The following CYLC1 variants were observed in gnomAD, a reference collection of about 807,000 sequenced individuals.
CYLC1 encodes cylicin 1.
CYLC1 carries 2 observed loss-of-function variants against 31.6 expected under a neutral mutation model. The observed-to-expected ratio is 0.06, with a 90% confidence interval of 0.03 to 0.20. The LOEUF is 0.20. CYLC1 is among the 10% of genes least tolerant of loss of function. The probability of loss-of-function intolerance (pLI) is 1.00; values close to 1 mark genes in which losing one functional copy is unlikely to be tolerated. For synonymous variants in CYLC1, 185 were observed against 153.0 expected (o/e 1.21, Z -1.54); for missense variants, 595 against 424.1 (o/e 1.40, Z -3.54).
In CYLC1 at chrX:83,871,468, A is replaced by G; in HGVS notation, c.75A>G (p.Arg25=). Residue 25 remains arginine (R), a synonymous_variant, in exon 3 of 5, where the codon AGA becomes AGG. Transcript: ENST00000329312. ...DNSIPISESS[R]KSWNQKHFAL... is the part of the protein sequence containing the mutation. ...CTCATTTAGTCAGTGAATCAAGCAG[A>G]AAATCATGGAATCAAAAACACTTTG... 2.5e-6 allele frequency: 3 copies of G among 1,200,783 alleles called. No individual in the cohort carries two copies. Among genetic ancestry groups the G allele is most frequent in the Non-Finnish European group, 3.4e-6 (3 of 888,785 alleles).
At chrX:83,876,553 T>G (rs1179087402) in intron 4 of CYLC1, among the ~76,000 whole-genome samples, 1 of 111,243 alleles carries the variant, frequency 9.0e-6, no homozygotes, top group Non-Finnish European at 1.9e-5. Context: ...AACTTCCATA[T>G]GCTTTGCCAC....
At chrX:83,877,742 G>A (rs1602306894) in intron 4 of CYLC1, among the ~76,000 whole-genome samples, 5 of 102,699 alleles carry the variant, frequency 4.9e-5, no homozygotes, top group Non-Finnish European at 3.9e-5. Context: ...GTCACCCTCC[G>A]AACACTGCAT....
chrX:83,866,279 T>A (rs2031591491), intron 1 of CYLC1, among the ~76,000 whole-genome samples: 1 of 111,770 alleles, frequency 8.9e-6, no homozygotes, highest in African/African-American at 3.2e-5. Flanking sequence ...AAAAATGGAA[T>A]CATTGGCCTC....
intron 3 of CYLC1, among the ~76,000 whole-genome samples, chrX:83,871,895 G>T (rs769477527): frequency 9.0e-6 from 1 of 110,815 alleles, no homozygotes; most frequent in Admixed American, 9.6e-5. Context: ...AGGTTTCAAG[G>T]CCTCCTTATT....
Position 83,871,517 on chromosome X carries a change from C to A in CYLC1, c.124C>A (p.Gln42Lys), listed in dbSNP as rs749731888. ...TGCTTTGACATTTCCCAAACCACTC[C>A]AGAGAGGTACAAATGATAAATCAAG... Reference protein sequence around the residue: ...HFALTFPKPLQRGTNDKSRPL... With the variant: ...HFALTFPKPLKRGTNDKSRPL... Residue 42 changes from glutamine to lysine, a missense_variant, in exon 3 of 5, where the codon CAG becomes AAG. Gln to Lys is a moderately conservative substitution (Grantham distance 53). Transcript: ENST00000329312. 19 of 1,201,089 alleles carry A rather than the reference C, an allele frequency of 1.6e-5. No homozygotes were observed. The highest frequency in any genetic ancestry group is 2.0e-5 in the Non-Finnish European group (18 of 890,744).
intron 4 of CYLC1, among the ~76,000 whole-genome samples, chrX:83,881,433 T>G (rs1484816399): frequency 9.1e-6 from 1 of 109,630 alleles, no homozygotes. Flanking sequence ...AATTTGTCAT[T>G]TCTTAGTTGT....
At chrX:83,877,517 G>C (rs1334852077) in intron 4 of CYLC1, among the ~76,000 whole-genome samples, 2 of 110,306 alleles carry the variant, frequency 1.8e-5, no homozygotes, top group African/African-American at 6.6e-5. Context: ...TTGTCATCTA[G>C]CCAAACTGGC....
In CYLC1 at chrX:83,874,085, G is replaced by A. The variant is rs143901083; in HGVS notation, c.1377G>A (p.Lys459=). The change falls in exon 4 of 5, where the codon AAG becomes AAA. Residue 459 remains lysine, a synonymous_variant. Coordinates refer to ENST00000329312, the MANE Select transcript of CYLC1 (RefSeq NM_021118.3). ...AGGGAGATTCAAAAAAGGGTAAAAA[G>A]GATGAAAAGAAGGGGAAGAAAGATT... ...EPKGDSKKGK[K]DEKKGKKDSK... is the part of the protein sequence containing the mutation. The A allele has an allele frequency of 2.5e-6, 3 of 1,201,054 alleles. No individual in the cohort carries two copies. Among genetic ancestry groups the A allele is most frequent in the East Asian group, 3.0e-5 (1 of 33,517 alleles).
At chrX:83,871,640 G>C in intron 3 of CYLC1, 70 bp downstream of exon 3, 2 of 998,974 alleles carry the variant, frequency 2.0e-6, no homozygotes, top group Non-Finnish European at 2.7e-6. Context: ...TATAAGTAAG[G>C]CCTATATAAC....
intron 1 of CYLC1, among the ~76,000 whole-genome samples, chrX:83,868,044 G>A (rs2031614631): frequency 9.0e-6 from 1 of 110,890 alleles, no homozygotes; most frequent in Admixed American, 9.7e-5. Flanking sequence ...AAAAACAATA[G>A]GACAAGAAGA....
At position 83,874,331 on chromosome X, in the gene CYLC1, A is replaced by G. The variant is rs772840989; in HGVS notation, c.1623A>G (p.Ser541=). Residue 541 remains serine, a synonymous_variant, in exon 4 of 5, where the codon TCA becomes TCG. Transcript: ENST00000329312. ...GFKTSTKIKG[S]DTESEESLYK... is the part of the protein sequence containing the mutation. ...AAACATCTACAAAAATCAAAGGTTC[A>G]GATACTGAATCTGAAGAGTCACTAT... The G allele has an allele frequency of 3.3e-6, 4 of 1,209,962 alleles. No individual in the cohort carries two copies. In the East Asian group the frequency reaches 1.2e-4, roughly 36 times the overall value.
Position 83,861,203 on chromosome X carries a change from A to G in CYLC1, c.17+4A>G, listed in dbSNP as rs748275389. 49 of 1,185,289 alleles carry G rather than the reference A, an allele frequency of 4.1e-5. No homozygotes were observed. The highest frequency in any genetic ancestry group is 4.5e-5 in the Admixed American group (2 of 44,879). On this transcript the variant is annotated splice_donor_region_variant and intron_variant, in intron 1 of 4. Transcript: ENST00000329312. ...GGGAAATGTCTCTTCCAAGGTTGTA[A>G]GTCCTCTTTTTAATATTTTTTTAGT...
intron 1 of CYLC1, among the ~76,000 whole-genome samples, chrX:83,863,942 G>T (rs2147775891): frequency 9.0e-6 from 1 of 111,490 alleles, no homozygotes; most frequent in South Asian, 3.8e-4. Context: ...AGGTTCTAAG[G>T]GAGACTCTGT....
intron 4 of CYLC1, among the ~76,000 whole-genome samples, chrX:83,877,627 T>C (rs6622823): frequency 0.059 from 6,347 of 107,079 alleles, 219 homozygotes; most frequent in East Asian, 0.21. Context: ...GATCTTTGCA[T>C]GTCTATTCCT....
chrX:83,879,630 G>A (rs1226715387), intron 4 of CYLC1, among the ~76,000 whole-genome samples: 1 of 110,045 alleles, frequency 9.1e-6, no homozygotes, highest in Non-Finnish European at 1.9e-5. Context: ...TTCACCCATC[G>A]CTTTTTTTCT....
In CYLC1 at chrX:83,873,855, G is replaced by T. The variant is rs143448675; in HGVS notation, c.1147G>T (p.Asp383Tyr). 1,277 of 1,194,437 alleles carry T rather than the reference G, an allele frequency of 1.1e-3. No homozygotes were observed. Among genetic ancestry groups the T allele is most frequent in the Non-Finnish European group, 1.3e-3 (1,150 of 884,444 alleles). The change falls in exon 4 of 5, where the codon GAT becomes TAT. Residue 383 changes from aspartate to tyrosine, a missense_variant. Coordinates refer to ENST00000329312, the MANE Select transcript of CYLC1 (RefSeq NM_021118.3). ...ESGDAKDARN[D>Y]SRNLKKASKN... ...AGGAGATGCAAAGGATGCAAGAAAT[G>T]ATTCAAGAAATTTGAAGAAAGCTTC...
chrX:83,868,275 C>T (rs945440628), intron 1 of CYLC1, among the ~76,000 whole-genome samples: 2 of 111,063 alleles, frequency 1.8e-5, no homozygotes, highest in Non-Finnish European at 3.8e-5. Context: ...CATAACCATG[C>T]TATTTCTCTA....
Position 83,873,121 on chromosome X carries a change from A to G in CYLC1, c.413A>G (p.Tyr138Cys). The part of the protein sequence containing the change: ...KKDSKKKGGS[Y>C]ATNPESKQIV... ...GATTCCAAGAAAAAAGGAGGTTCAT[A>G]TGCAACAAATCCAGAATCCAAGCAA... The change falls in exon 4 of 5, where the codon TAT (tyrosine) becomes TGT (cysteine). Residue 138 changes from tyrosine (Y) to cysteine (C), a missense_variant. Coordinates refer to ENST00000329312, the MANE Select transcript of CYLC1 (RefSeq NM_021118.3). The G allele has an allele frequency of 8.4e-7, 1 of 1,197,011 alleles. No individual in the cohort carries two copies. Among genetic ancestry groups the G allele is most frequent in the Middle Eastern group, 2.3e-4 (1 of 4,262 alleles).
intron 4 of CYLC1, among the ~76,000 whole-genome samples, chrX:83,882,991 C>G: frequency 9.0e-6 from 1 of 110,544 alleles, no homozygotes; most frequent in Non-Finnish European, 1.9e-5. Flanking sequence ...ACAAATTGTT[C>G]TTAGGTTCAA....
Sources: gnomAD v4.1 joint callset for allele counts (sites outside exome capture counted in the v4.1 genomes callset) on GRCh38, gnomAD v4.1.1 for gene constraint, MANE v1.5 for transcripts, NCBI Gene and HGNC (gene_info 2026-07-23, HGNC 2026-07-21) for gene names.